The following ACYP2 variants were observed in gnomAD, a reference collection of about 807,000 sequenced individuals.
The protein encoded by ACYP2 is acylphosphatase-2.
Under a neutral mutation model 11.2 loss-of-function variants are expected in ACYP2, and 12 were observed. The ratio of observed to expected loss-of-function variants is 1.08; its 90% CI spans 0.69 to 1.74. ACYP2 has a LOEUF of 1.74. Ranked by LOEUF, ACYP2 falls within the 40% of genes most tolerant of loss-of-function variation. The pLI is 0.00. For missense variants in ACYP2, 134 were observed against 101.9 expected (o/e 1.31, Z -1.35); for synonymous variants, 43 against 32.2 (o/e 1.33, Z -1.13).
intron 6 of ACYP2, among the ~76,000 whole-genome samples, chr2:54,271,761 G>C (rs912546369): frequency 1.1e-4 from 16 of 151,930 alleles, no homozygotes; most frequent in African/African-American, 3.9e-4. Context: ...TGTTAAATGG[G>C]ATTTCTTCTC....
chr2:54,288,955 C>T (rs1012476760), intron 6 of ACYP2, among the ~76,000 whole-genome samples: 3 of 151,908 alleles, frequency 2.0e-5, no homozygotes, highest in Non-Finnish European at 2.9e-5. Context: ...GTAACTTCTG[C>T]GACCCCAAGC....
At chr2:54,261,239 T>A (rs1189525615) in intron 6 of ACYP2, among the ~76,000 whole-genome samples, 4 of 152,168 alleles carry the variant, frequency 2.6e-5, no homozygotes, top group Non-Finnish European at 5.9e-5. Flanking sequence ...CTAGAAACAG[T>A]TGAAAAGAAT....
chr2:54,280,346 C>T (rs1314682714), intron 6 of ACYP2, among the ~76,000 whole-genome samples: 2 of 151,936 alleles, frequency 1.3e-5, no homozygotes, highest in Non-Finnish European at 2.9e-5. Flanking sequence ...GGAGGAAGAG[C>T]ACATTGGGTA....
chr2:54,271,970 C>A (rs896138718), intron 6 of ACYP2, among the ~76,000 whole-genome samples: 2 of 152,102 alleles, frequency 1.3e-5, no homozygotes, highest in African/African-American at 4.8e-5. Flanking sequence ...GAAGTGAATG[C>A]AGTTGCCATT....
At chr2:54,010,855 G>A (rs138937279) in intron 2 of ACYP2, among the ~76,000 whole-genome samples, 9,703 of 145,994 alleles carry the variant, frequency 0.066, 415 homozygotes, top group Non-Finnish European at 0.095. Flanking sequence ...TTTCAGTAGA[G>A]ACCAGGTTTC....
intron 6 of ACYP2, among the ~76,000 whole-genome samples, chr2:54,283,487 A>G (rs1466839811): frequency 6.6e-6 from 1 of 152,184 alleles, no homozygotes; most frequent in Non-Finnish European, 1.5e-5. Context: ...ACACTCCTGT[A>G]AGGTATAAAT....
intron 4 of ACYP2, among the ~76,000 whole-genome samples, chr2:54,088,416 C>G (rs1157232176): frequency 2.0e-5 from 3 of 152,162 alleles, no homozygotes; most frequent in African/African-American, 4.8e-5. Context: ...CAGGGAGTCT[C>G]AAAGGAGCCC....
At chr2:54,086,691 G>A (rs776602900) in intron 4 of ACYP2, among the ~76,000 whole-genome samples, 22 of 151,706 alleles carry the variant, frequency 1.5e-4, no homozygotes, top group Admixed American at 2.6e-4. Context: ...GTGTGTGCAC[G>A]CGCGCGCTAG....
rs574440233 is a variant in ACYP2, at chr2:54,242,477, A to G, written c.405-62211A>G. ...ATATATTTGATGCTTTAGGTAAAATATATACAGTCATATGCCACATAATGA... is the reference window on the plus strand; with the variant it reads ...ATATATTTGATGCTTTAGGTAAAATGTATACAGTCATATGCCACATAATGA... On this transcript the variant is annotated intron_variant, in intron 6 of 6. Coordinates refer to ENST00000607452, the MANE Select transcript of ACYP2 (RefSeq NM_001320586.2). Among the ~76,000 whole-genome samples, 3 of 152,346 alleles carry G rather than the reference A, an allele frequency of 2.0e-5. No individual in the cohort carries two copies. The South Asian group carries it at 6.2e-4, about 32-fold the overall frequency.
At chr2:54,245,346 G>T (rs1686900529) in intron 6 of ACYP2, among the ~76,000 whole-genome samples, 1 of 152,060 alleles carries the variant, frequency 6.6e-6, no homozygotes, top group African/African-American at 2.4e-5. Context: ...TAAACATGGG[G>T]GTGCAGATAC....
At chr2:54,166,434 A>G (rs547031890) in intron 6 of ACYP2, among the ~76,000 whole-genome samples, 19 of 152,314 alleles carry the variant, frequency 1.2e-4, no homozygotes, top group African/African-American at 4.1e-4. Flanking sequence ...GACATGGAGG[A>G]TTTGATCCAG....
chr2:54,113,694 G>T (rs1020721145), intron 4 of ACYP2, among the ~76,000 whole-genome samples: 3 of 152,128 alleles, frequency 2.0e-5, no homozygotes, highest in African/African-American at 7.2e-5. Flanking sequence ...TGACTGAGCG[G>T]GATAGAGGAA....
chr2:54,115,212 G>T (rs1340323064), intron 4 of ACYP2, among the ~76,000 whole-genome samples: 1 of 152,140 alleles, frequency 6.6e-6, no homozygotes, highest in Non-Finnish European at 1.5e-5. Flanking sequence ...ATGGTGCAAT[G>T]GATACGTTAA....
intron 6 of ACYP2, among the ~76,000 whole-genome samples, chr2:54,265,376 A>G (rs1442914778): frequency 6.6e-6 from 1 of 152,238 alleles, no homozygotes; most frequent in Non-Finnish European, 1.5e-5. Flanking sequence ...TCACAAGAAT[A>G]GCATGGGAAA....
chr2:54,290,373 ATC>A (rs1395640812), intron 6 of ACYP2, among the ~76,000 whole-genome samples: 2 of 151,960 alleles, frequency 1.3e-5, no homozygotes, highest in Non-Finnish European at 2.9e-5. Flanking sequence ...CCTTAAATAA[ATC>A]TGTTCCCCCA....
chr2:54,005,056 T>C lies in ACYP2; in HGVS notation c.62+31246T>C, dbSNP rs1487332090. 2.0e-5 allele frequency among the ~76,000 whole-genome samples: 3 copies of C among 152,114 alleles called. No individual in the cohort carries two copies. In the East Asian group the frequency reaches 5.8e-4, roughly 29 times the overall value. On this transcript the variant is annotated intron_variant, in intron 2 of 6. Coordinates refer to ENST00000607452, the MANE Select transcript of ACYP2 (RefSeq NM_001320586.2). ...TCTGTATAGTGTCTCTCTGGTGTTG[T>C]ATCTAAAGAGTTAGCTTTAAAAAAA...
At chr2:54,103,886 AC>A (rs1485580165) in intron 4 of ACYP2, among the ~76,000 whole-genome samples, 1 of 151,760 alleles carries the variant, frequency 6.6e-6, no homozygotes, top group African/African-American at 2.4e-5. Flanking sequence ...CCCCTTCCCC[AC>A]CCTTTGCCCT....
At chr2:54,041,797 T>G (rs533912860) in intron 2 of ACYP2, among the ~76,000 whole-genome samples, 104 of 151,804 alleles carry the variant, frequency 6.9e-4, no homozygotes, top group Non-Finnish European at 1.2e-3. Context: ...TAGAATGCAT[T>G]TTTTTCTTTT....
At chr2:54,302,899 C>T (rs1318346201) in intron 6 of ACYP2, among the ~76,000 whole-genome samples, 1 of 152,224 alleles carries the variant, frequency 6.6e-6, no homozygotes, top group East Asian at 1.9e-4. Context: ...AATCTGAATC[C>T]TCCTGACAAC....
Sources: allele counts gnomAD v4.1 joint callset (sites outside exome capture counted in the v4.1 genomes callset), GRCh38; gene constraint gnomAD v4.1.1; transcripts MANE v1.5; gene names NCBI Gene and HGNC (gene_info 2026-07-23, HGNC 2026-07-21).